Variants in PLXNA4 observed in about 807,000 individuals in gnomAD.
PLXNA4 encodes plexin-A4.
Under a neutral mutation model 191.8 loss-of-function variants are expected in PLXNA4, and 44 were observed. The observed-to-expected ratio is 0.23, with a 90% CI of 0.18 to 0.29. PLXNA4 has a LOEUF of 0.29. Ranked by LOEUF, PLXNA4 falls within the 10% of genes least tolerant of loss-of-function variation. The pLI is 1.00. For synonymous variants in PLXNA4, 1,082 were observed against 1,009.5 expected (o/e 1.07, Z -1.36); for missense variants, 1,800 against 2,488.8 (o/e 0.72, Z 5.89).
rs1245115172 is a variant in PLXNA4 at position 132,222,326 on chromosome 7, T to C, written c.2097+1201A>G. ...AGCAGGTGTTAGTGTGGGGTGTACA[T>C]TGACCTTCCCTTTCAGCCTCATATA... On this transcript the variant is annotated intron_variant, in intron 9 of 31. Transcript: ENST00000321063. Among the ~76,000 whole-genome samples, 4 of 152,352 alleles carry C rather than the reference T, an allele frequency of 2.6e-5. 1 individual carries two copies. The highest frequency in any genetic ancestry group is 1.9e-4 in the East Asian group (1 of 5,172).
rs1222298316 is a variant in PLXNA4 at position 132,507,886 on chromosome 7, T to C, written c.808A>G (p.Thr270Ala). 1.2e-6 allele frequency: 2 copies of C among 1,614,184 alleles called. No homozygotes were observed. Among genetic ancestry groups the C allele is most frequent in the East Asian group, 4.5e-5 (2 of 44,884 alleles). The change falls in exon 2 of 32, where the codon ACC (threonine) becomes GCC (alanine). Residue 270 changes from threonine (T) to alanine (A), a missense_variant. Transcript: ENST00000321063. ...GATGTATACACCTGCTCCTTGGTGG[T>C]GGAGCCTGGTGGAGACACCATCTCA... is the stretch of plus-strand genomic sequence containing the variant. The part of the protein sequence containing the change: ...QPEMVSPPGS[T>A]TKEQVYTSKL...
intron 10 of PLXNA4, among the ~76,000 whole-genome samples, chr7:132,206,021 G>A (rs978798028): frequency 6.8e-6 from 1 of 146,398 alleles, no homozygotes; most frequent in Non-Finnish European, 1.5e-5. Context: ...ACATCTCCAT[G>A]TTATCTGTAT....
At chr7:132,437,439 C>T (rs927385560) in intron 3 of PLXNA4, among the ~76,000 whole-genome samples, 1 of 151,864 alleles carries the variant, frequency 6.6e-6, no homozygotes, top group African/African-American at 2.4e-5. Flanking sequence ...CAGACACACA[C>T]ATTCTTACAA....
chr7:132,502,531 T>A (rs1207124068), intron 2 of PLXNA4, among the ~76,000 whole-genome samples: 1 of 152,132 alleles, frequency 6.6e-6, no homozygotes, highest in Non-Finnish European at 1.5e-5. Context: ...GAACTTCCAC[T>A]GGTGCTCAGC....
chr7:132,306,160 G>A (rs1023920324), intron 3 of PLXNA4, among the ~76,000 whole-genome samples: 2 of 152,178 alleles, frequency 1.3e-5, no homozygotes, highest in Non-Finnish European at 2.9e-5. Context: ...TTGTGCGGAG[G>A]CGCCCCATAT....
In PLXNA4 at chr7:132,227,509, A is replaced by C; in HGVS notation, c.1824T>G (p.Asn608Lys). 12 of 1,614,058 alleles carry C rather than the reference A, an allele frequency of 7.4e-6. No homozygotes were observed. The highest frequency in any genetic ancestry group is 9.3e-6 in the Non-Finnish European group (11 of 1,180,008). ...LSEMDGLVVG[N>K]QIQCYSPAAK... ...CTGCAGGGGAGTAGCACTGGATCTG[A>C]TTGCCCACGACCAGCCCATCCATCT... The change falls in exon 7 of 32, where the codon AAT (asparagine) becomes AAG (lysine). Residue 608 changes from asparagine to lysine, a missense_variant. By Grantham distance (94) the Asn-to-Lys change is moderately conservative. This residue lies in a region of PLXNA4 where 1,397 missense variants were observed against 1,880.4 expected (regional missense o/e 0.74). Coordinates refer to ENST00000321063, the MANE Select transcript of PLXNA4 (RefSeq NM_020911.2).
intron 3 of PLXNA4, among the ~76,000 whole-genome samples, chr7:132,411,076 A>G (rs1253225547): frequency 6.6e-6 from 1 of 152,224 alleles, no homozygotes; most frequent in East Asian, 1.9e-4. Context: ...AATGTTTAGA[A>G]ATAGAGAACG....
chr7:132,486,086 G>A (rs1056881168), intron 3 of PLXNA4, among the ~76,000 whole-genome samples: 2 of 151,856 alleles, frequency 1.3e-5, no homozygotes, highest in African/African-American at 2.4e-5. Flanking sequence ...TTGTCATACC[G>A]TAAAGAACTC....
chr7:132,524,885 AC>A lies in PLXNA4; in HGVS notation c.-86-16107del, dbSNP rs564316629. Among the ~76,000 whole-genome samples, 27 of 152,286 alleles carry A rather than the reference AC, an allele frequency of 1.8e-4. No homozygotes were observed. The East Asian group carries it at 5.2e-3, about 29-fold the overall frequency. On this transcript the variant is annotated intron_variant, in intron 1 of 31. Coordinates refer to ENST00000321063, the MANE Select transcript of PLXNA4 (RefSeq NM_020911.2). ...CCTGGCAAGACTTTTTTCAAAAAAA[AC>A]ATATTAACATGTTTAAAACTCGTGA...
chr7:132,450,092 T>G (rs2023517), intron 3 of PLXNA4, among the ~76,000 whole-genome samples: 106,167 of 151,710 alleles, frequency 0.7, 43,205 homozygotes, highest in Non-Finnish European at 0.91. Flanking sequence ...TGCTCTATGG[T>G]ACACCTCCAC....
intron 3 of PLXNA4, among the ~76,000 whole-genome samples, chr7:132,366,227 C>T (rs536619494): frequency 6.6e-6 from 1 of 152,156 alleles, no homozygotes; most frequent in Non-Finnish European, 1.5e-5. Flanking sequence ...ATTTTCCTAC[C>T]ATTAAAAAAA....
intron 1 of PLXNA4, among the ~76,000 whole-genome samples, chr7:132,569,965 A>G (rs1284123657): frequency 1.3e-5 from 2 of 152,214 alleles, no homozygotes; most frequent in African/African-American, 4.8e-5. Context: ...CTTTATTCAC[A>G]TTTGACAGTA....
intron 2 of PLXNA4, among the ~76,000 whole-genome samples, chr7:132,631,580 G>T (rs1010412227): frequency 6.6e-6 from 1 of 152,156 alleles, no homozygotes; most frequent in East Asian, 1.9e-4. Context: ...CAGGCTGGAA[G>T]TTTTTCCAAA....
intron 2 of PLXNA4, among the ~76,000 whole-genome samples, chr7:132,597,587 TC>T: frequency 6.6e-6 from 1 of 152,046 alleles, no homozygotes; most frequent in African/African-American, 2.4e-5. Flanking sequence ...ATTCATTCAT[TC>T]ATTCATTCAT....
intron 4 of PLXNA4, among the ~76,000 whole-genome samples, chr7:132,252,397 T>G (rs1266243025): frequency 7.2e-6 from 1 of 138,208 alleles, no homozygotes; most frequent in Non-Finnish European, 1.5e-5. Flanking sequence ...CTGCAGCCTC[T>G]GCCTCCTGGG....
At chr7:132,577,044 T>A (rs1471723410), upstream of PLXNA4, 2 of 145,600 alleles carry the variant, frequency 1.4e-5, no homozygotes, top group Non-Finnish European at 3.1e-5. Flanking sequence ...CGCCGGGCAG[T>A]GCCCTGGGGC....
chr7:132,262,626 G>A (rs1046417403), intron 4 of PLXNA4, among the ~76,000 whole-genome samples: 1 of 152,080 alleles, frequency 6.6e-6, no homozygotes, highest in African/African-American at 2.4e-5. Flanking sequence ...AGGTTCCCAT[G>A]GCAATGAGAC....
intron 17 of PLXNA4, 46 bp from the exon 18 acceptor site, chr7:132,181,666 A>G (rs1214743741): frequency 6.2e-7 from 1 of 1,603,128 alleles, no homozygotes; most frequent in African/African-American, 1.3e-5. Context: ...ATCTCCACAT[A>G]CCCACAGCCC....
rs185765197 is a variant in PLXNA4 at position 132,164,510 on chromosome 7, C to T, written c.4354-222G>A. ...GACCACAGGGTCTTTTCCCATTCTACCCATTTCTCCTTTCCTACTGCCGCC... is the reference window on the plus strand; with the variant it reads ...GACCACAGGGTCTTTTCCCATTCTATCCATTTCTCCTTTCCTACTGCCGCC... On this transcript the variant is annotated intron_variant, in intron 23 of 31. Transcript: ENST00000321063. 5.1e-3 allele frequency among the ~76,000 whole-genome samples: 772 copies of T among 152,286 alleles called. 2 individuals are homozygous for T. Among genetic ancestry groups the T allele is most frequent in the Non-Finnish European group, 6.7e-3 (455 of 68,028 alleles).
Sources: allele counts gnomAD v4.1 joint callset (sites outside exome capture counted in the v4.1 genomes callset), GRCh38; gene constraint gnomAD v4.1.1; regional missense constraint gnomAD v4.1.1; transcripts MANE v1.5; gene names NCBI Gene and HGNC (gene_info 2026-07-23, HGNC 2026-07-21).